SETD5: variants seen among roughly 807,000 people sequenced by gnomAD.
SETD5 encodes SET domain containing 5.
In SETD5, 44 loss-of-function variants were observed where a neutral mutation model predicts 153.3. The observed-to-expected ratio is 0.29, with a 90% CI of 0.23 to 0.37. The LOEUF is 0.37. Ranked by LOEUF, SETD5 falls within the 10% of genes least tolerant of loss-of-function variation. The pLI is 1.00. For missense variants in SETD5, 1,544 were observed against 1,768.0 expected, an observed-to-expected ratio of 0.87 and a Z score of 2.27; for synonymous variants, 716 against 645.2, an observed-to-expected ratio of 1.11 and a Z score of -1.66.
In SETD5 at chr3:9,447,278, G is replaced by C. The variant is rs368383990; in HGVS notation, c.1753G>C (p.Val585Leu). The C allele has an allele frequency of 1.1e-5, 17 of 1,613,784 alleles. No individual in the cohort carries two copies. Among genetic ancestry groups the C allele is most frequent in the African/African-American group, 1.3e-5 (1 of 74,886 alleles). ...TIPSTPQSVGVNTRRSSQAGD... is the reference protein window; with the variant it reads ...TIPSTPQSVGLNTRRSSQAGD... The stretch of plus-strand genomic sequence containing the variant: ...CCCAAGCACCCCACAGAGTGTTGGT[G>C]TGAATACCCGGAGGTCTTCCCAAGC... Residue 585 changes from valine (V) to leucine (L), a missense_variant, in exon 14 of 23, where the codon GTG (valine) becomes CTG (leucine). By Grantham distance (32) the Val-to-Leu change is conservative (BLOSUM62 1). Transcript: ENST00000402198.
chr3:9,438,790 C>T (rs555562704), intron 7 of SETD5, among the ~76,000 whole-genome samples: 9 of 152,284 alleles, frequency 5.9e-5, no homozygotes, highest in Admixed American at 5.2e-4. Context: ...CTGTTCTGTG[C>T]TTTCAAGATG....
chr3:9,430,719 C>T (rs997255425), intron 3 of SETD5: 15 of 607,486 alleles, frequency 2.5e-5, no homozygotes, highest in Non-Finnish European at 3.1e-5. Flanking sequence ...ATAAAAGACC[C>T]AGAGCAGTTA....
chr3:9,466,904 C>A (rs1161210484), intron 18 of SETD5, among the ~76,000 whole-genome samples: 1 of 152,014 alleles, frequency 6.6e-6, no homozygotes, highest in Non-Finnish European at 1.5e-5. Context: ...TGGCATATAC[C>A]TGTAGTCCCA....
At chr3:9,445,965 G>GTTTTTTTTTTTTTTTTTTTTTTTTTT (rs376821559) in intron 13 of SETD5, among the ~76,000 whole-genome samples, 5 of 86,462 alleles carry the variant, frequency 5.8e-5, no homozygotes, top group African/African-American at 2.3e-4. Context: ...TGAAGAGGTT[G>GTTTTTTTTTTTTTTTTTTTTTTTTTT]TTTTTTTTTT....
At chr3:9,436,034 C>T in intron 7 of SETD5, 128 bp downstream of exon 7, 1 of 793,234 alleles carries the variant, frequency 1.3e-6, no homozygotes, top group Admixed American at 2.8e-5. Context: ...GTTCTACTTG[C>T]AAAAATCAGC....
At chr3:9,436,954 T>C in intron 7 of SETD5, 1 of 1,398,814 alleles carries the variant, frequency 7.1e-7, no homozygotes, top group Non-Finnish European at 9.8e-7. Flanking sequence ...GGTCAGCTTC[T>C]TTCCTGACAT....
chr3:9,403,107 T>A (rs2035075981), intron 1 of SETD5, among the ~76,000 whole-genome samples: 1 of 152,126 alleles, frequency 6.6e-6, no homozygotes, highest in Non-Finnish European at 1.5e-5. Flanking sequence ...GAGGTTCTTT[T>A]CCCTGGGAGA....
At chr3:9,446,024 A>G (rs1198533343) in intron 13 of SETD5, among the ~76,000 whole-genome samples, 1 of 124,340 alleles carries the variant, frequency 8.0e-6, no homozygotes, top group African/African-American at 3.2e-5. Context: ...GCGGTGGCTC[A>G]CGCCTGTAAT....
chr3:9,445,962 G>GTTTTTTTTTTTTTTTTTTTTTTTTTT lies in SETD5; in HGVS notation c.1524+224_1524+225insTTTTTTTTTTTTTTTTTTTTTTTTTT, dbSNP rs1432231015. ...TATTATCTAGTGATGGTTTGAAGAG[G>GTTTTTTTTTTTTTTTTTTTTTTTTTT]TTGTTTTTTTTTTTTTTTTTTTTTT... On this transcript the variant is annotated intron_variant, in intron 13 of 22. Transcript: ENST00000402198. 3.4e-4 allele frequency among the ~76,000 whole-genome samples: 41 copies of GTTTTTTTTTTTTTTTTTTTTTTTTTT among 120,236 alleles called. 7 individuals carry two copies. The highest frequency in any genetic ancestry group is 7.7e-4 in the African/African-American group (22 of 28,634). 78.9% of individuals were successfully genotyped at this position (120,236 alleles called of 152,430 possible).
intron 1 of SETD5, among the ~76,000 whole-genome samples, chr3:9,413,518 T>C (rs911061586): frequency 6.6e-6 from 1 of 152,136 alleles, no homozygotes; most frequent in African/African-American, 2.4e-5. Context: ...TCTCTAGGAT[T>C]CTTTGCCTAG....
intron 1 of SETD5, among the ~76,000 whole-genome samples, chr3:9,407,166 A>G (rs1052092696): frequency 6.6e-6 from 1 of 152,070 alleles, no homozygotes; most frequent in African/African-American, 2.4e-5. Context: ...CATTTCTACT[A>G]AAAATACAAA....
At chr3:9,447,332 C>A (rs558365394) in intron 14 of SETD5, 25 bp downstream of exon 14, 1 of 1,592,378 alleles carries the variant, frequency 6.3e-7, no homozygotes, top group Non-Finnish European at 8.5e-7. Flanking sequence ...GACTTCAGCA[C>A]TTAGACATCC....
At chr3:9,426,192 G>A (rs1383936292) in intron 2 of SETD5, 1 of 118,722 alleles carries the variant, frequency 8.4e-6, no homozygotes, top group Non-Finnish European at 1.7e-5. Flanking sequence ...CTGGCCTAAA[G>A]GCAAAAAAGT....
intron 3 of SETD5, chr3:9,431,674 C>T: frequency 1.0e-6 from 1 of 985,714 alleles, no homozygotes; most frequent in Non-Finnish European, 1.2e-6. Context: ...GGCCTTTTAA[C>T]CTCCACAATA....
intron 17 of SETD5, among the ~76,000 whole-genome samples, chr3:9,458,821 G>C (rs1011537534): frequency 6.6e-6 from 1 of 151,936 alleles, no homozygotes; most frequent in Non-Finnish European, 1.5e-5. Context: ...GTTCTGCTTG[G>C]TATCTTTCCT....
chr3:9,450,394 T>C (rs772894119), intron 16 of SETD5, among the ~76,000 whole-genome samples: 16 of 152,220 alleles, frequency 1.1e-4, no homozygotes, highest in Non-Finnish European at 7.3e-5. Flanking sequence ...AACAAGACTA[T>C]TTAAATAGGA....
chr3:9,404,954 T>G (rs1370661337), intron 1 of SETD5, among the ~76,000 whole-genome samples: 1 of 152,228 alleles, frequency 6.6e-6, no homozygotes, highest in Non-Finnish European at 1.5e-5. Context: ...TTTCCTGCTA[T>G]TATTATCTCA....
At chr3:9,474,844 G>A (rs935102871) in intron 21 of SETD5, 22 of 614,772 alleles carry the variant, frequency 3.6e-5, no homozygotes, top group Non-Finnish European at 5.6e-5. Context: ...AATCTACCTC[G>A]ATGAAGGATG....
intron 3 of SETD5, chr3:9,431,200 A>T: frequency 6.1e-6 from 6 of 985,446 alleles, no homozygotes; most frequent in Non-Finnish European, 7.2e-6. Flanking sequence ...AGATGTAACA[A>T]GCAAAACAAA....
Sources: gnomAD v4.1 joint callset for allele counts (sites outside exome capture counted in the v4.1 genomes callset) on GRCh38, gnomAD v4.1.1 for gene constraint, MANE v1.5 for transcripts, NCBI Gene and HGNC (gene_info 2026-07-23, HGNC 2026-07-21) for gene names.